Variants in KCNIP2 observed in about 807,000 individuals in gnomAD.
KCNIP2 encodes potassium voltage-gated channel interacting protein 2.
In KCNIP2, 19 loss-of-function variants were observed where a neutral mutation model predicts 39.0. The observed-to-expected ratio is 0.49, with a 90% CI of 0.34 to 0.71. KCNIP2 has a LOEUF of 0.71. Among genes scored for constraint, KCNIP2 ranks in the 30% least tolerant of loss-of-function variants. KCNIP2 has a pLI of 0.01. For synonymous variants in KCNIP2, 111 were observed against 131.2 expected (o/e 0.85, Z 1.05); for missense variants, 261 against 346.0 (o/e 0.75, Z 1.95).
Position 101,838,558 on chromosome 10 carries a change from C to T in KCNIP2, c.73+4938G>A, listed in dbSNP as rs1031554317. ...TCGAGTGATTAATGACCTCCCTAGA[C>T]GTTGGGGCTATTTTGGGTCCTGGAA... is the stretch of plus-strand genomic sequence containing the variant. On this transcript the variant is annotated intron_variant, in intron 1 of 9. Transcript: ENST00000356640. This position sits in a 1 kb window ranked among gnomAD's most constrained non-coding sequence, Gnocchi z 4.0. 4.6e-5 allele frequency among the ~76,000 whole-genome samples: 7 copies of T among 152,164 alleles called. No homozygotes were observed. Among genetic ancestry groups the T allele is most frequent in the South Asian group, 2.1e-4 (1 of 4,826 alleles).
intron 3 of KCNIP2, 121 bp downstream of exon 3, chr10:101,829,723 A>AACC: frequency 3.3e-5 from 1 of 30,258 alleles, no homozygotes; most frequent in Non-Finnish European, 6.5e-5. Context: ...TCCAGACCCC[A>AACC]CCCCCGGCCC....
intron 1 of KCNIP2, among the ~76,000 whole-genome samples, chr10:101,840,677 G>C (rs1215563481): frequency 1.3e-5 from 2 of 151,988 alleles, no homozygotes; most frequent in Admixed American, 1.3e-4. Context: ...AAGCCTACGG[G>C]AGAGATATAG....
At chr10:101,829,468 T>C (rs1030582983) in intron 3 of KCNIP2, 1 of 492,068 alleles carries the variant, frequency 2.0e-6, no homozygotes, top group Admixed American at 3.9e-5. Context: ...GATCCCTCGT[T>C]GGAGGGGAAG....
intron 2 of KCNIP2, chr10:101,830,515 T>C: frequency 1.7e-6 from 2 of 1,177,120 alleles, no homozygotes; most frequent in Non-Finnish European, 2.2e-6. Flanking sequence ...GTCACAATGG[T>C]CACACCCACA....
chr10:101,827,141 G>A lies in KCNIP2; in HGVS notation c.*212C>T. 5.9e-6 allele frequency: 7 copies of A among 1,183,292 alleles called. No individual in the cohort carries two copies. The highest frequency in any genetic ancestry group is 6.5e-6 in the Non-Finnish European group (6 of 925,558). The allele number at this position is 1,183,292 out of a possible 1,614,324, so 73.3% of individuals were successfully genotyped here. ...GCAGGAAGGGGGTGAGAGCTGGTGG[G>A]AGTTGGGAACACCCCCCGAGATGCA... is the stretch of plus-strand genomic sequence containing the variant. On this transcript the variant is annotated 3_prime_UTR_variant, in exon 10 of 10. Transcript: ENST00000356640.
chr10:101,832,926 C>T (rs1434339160), intron 1 of KCNIP2, among the ~76,000 whole-genome samples: 1 of 152,158 alleles, frequency 6.6e-6, no homozygotes, highest in Non-Finnish European at 1.5e-5. Flanking sequence ...TCACCTTTTC[C>T]AGATTGAATG....
chr10:101,827,371 G>A lies in KCNIP2; in HGVS notation c.795C>T (p.Leu265=). 1 of 1,604,930 alleles carries A rather than the reference G, an allele frequency of 6.2e-7. No homozygotes were observed. The highest frequency in any genetic ancestry group is 8.5e-7 in the Non-Finnish European group (1 of 1,172,862). Residue 265 remains leucine, a synonymous_variant, in exon 10 of 10, where the codon CTC becomes CTT. Coordinates refer to ENST00000356640, the MANE Select transcript of KCNIP2 (RefSeq NM_173191.3). ...CTGGGGGCTAGATGACATTGTCAAAGAGCTGCATGGACCTCATGATGTTCT... is the reference window on the plus strand; with the variant it reads ...CTGGGGGCTAGATGACATTGTCAAAAAGCTGCATGGACCTCATGATGTTCT... ...KDENIMRSMQ[L]FDNVI
chr10:101,836,274 C>CTTTTTTT (rs976487755), intron 1 of KCNIP2, among the ~76,000 whole-genome samples: 2 of 124,660 alleles, frequency 1.6e-5, no homozygotes, highest in Non-Finnish European at 3.4e-5. Context: ...TTTTTTTTCT[C>CTTTTTTT]TTTTTTTTTT....
chr10:101,840,817 G>A (rs931503095), intron 1 of KCNIP2, among the ~76,000 whole-genome samples: 1 of 152,150 alleles, frequency 6.6e-6, no homozygotes, highest in African/African-American at 2.4e-5. Context: ...AAGCAGCTCC[G>A]TGCGCATGGC....
At position 101,828,107 on chromosome 10, in the gene KCNIP2, C is replaced by G; in HGVS notation, c.597+44G>C. 1 of 1,578,290 alleles carries G rather than the reference C, an allele frequency of 6.3e-7. No homozygotes were observed. Among genetic ancestry groups the G allele is most frequent in the Non-Finnish European group, 8.7e-7 (1 of 1,147,528 alleles). On this transcript the variant is annotated intron_variant, in intron 7 of 9. Coordinates refer to ENST00000356640, the MANE Select transcript of KCNIP2 (RefSeq NM_173191.3). The surrounding 1 kb of genome is among the most constrained non-coding windows in gnomAD (Gnocchi z 6.6). ...CCTCCCATCACCCTCTGCACGCCAC[C>G]CCCATCACCGCCACAGACCCCCAGC...
Position 101,843,666 on chromosome 10 carries a change from G to T in KCNIP2, c.-98C>A, listed in dbSNP as rs2066400382. ...GCGCCCCCTGGCGGCCTACTGTGCT[G>T]TCGGGGCTGGGGAAGTCCGGGCTGA... On this transcript the variant is annotated 5_prime_UTR_variant, in exon 1 of 10. Transcript: ENST00000356640. This position sits in a 1 kb window ranked among gnomAD's most constrained non-coding sequence, Gnocchi z 6.7. 1 of 613,548 alleles carries T rather than the reference G, an allele frequency of 1.6e-6. No homozygotes were observed. The highest frequency in any genetic ancestry group is 2.6e-6 in the Non-Finnish European group (1 of 381,930). 38.0% of individuals were successfully genotyped at this position (613,548 alleles called of 1,614,324 possible).
At chr10:101,832,340 GTC>G (rs2066024614) in intron 1 of KCNIP2, among the ~76,000 whole-genome samples, 1 of 139,988 alleles carries the variant, frequency 7.1e-6, no homozygotes, top group South Asian at 2.3e-4. Context: ...GTGTGTGTGT[GTC>G]TGTGTCTCCC....
chr10:101,837,144 C>T (rs570714003), intron 1 of KCNIP2, among the ~76,000 whole-genome samples: 1 of 152,170 alleles, frequency 6.6e-6, no homozygotes, highest in African/African-American at 2.4e-5. Context: ...AATATTTATC[C>T]AGCACATTTT....
At chr10:101,829,289 C>G in intron 3 of KCNIP2, 90 bp from the exon 4 acceptor site, 2 of 1,434,944 alleles carry the variant, frequency 1.4e-6, no homozygotes, top group Non-Finnish European at 1.8e-6. Context: ...TCCCCGCCCC[C>G]CGGTCCCATC....
At chr10:101,830,868 G>A (rs1399331830) in intron 2 of KCNIP2, among the ~76,000 whole-genome samples, 4 of 144,476 alleles carry the variant, frequency 2.8e-5, no homozygotes, top group African/African-American at 1.0e-4. Flanking sequence ...GGGCACGCTC[G>A]CGCGCACATG....
intron 1 of KCNIP2, among the ~76,000 whole-genome samples, chr10:101,832,973 G>A (rs1322626820): frequency 1.3e-5 from 2 of 152,114 alleles, no homozygotes; most frequent in African/African-American, 2.4e-5. Flanking sequence ...GTTTATCTAG[G>A]TCCAACTCCC....
intron 1 of KCNIP2, chr10:101,839,755 G>T: frequency 6.2e-7 from 1 of 1,612,596 alleles, no homozygotes; most frequent in Non-Finnish European, 8.5e-7. Context: ...CATCATACCT[G>T]GGGACAGCGA....
In KCNIP2 at chr10:101,828,816, C is replaced by A; in HGVS notation, c.349-120G>T. ...ATAATCTTCAAGCCTCCAGAGGACT[C>A]ACCACGTGGCTCATGTGATGGGAGG... is the stretch of plus-strand genomic sequence containing the variant. On this transcript the variant is annotated intron_variant, in intron 4 of 9. Coordinates refer to ENST00000356640, the MANE Select transcript of KCNIP2 (RefSeq NM_173191.3). The surrounding 1 kb of genome is among the most constrained non-coding windows in gnomAD (Gnocchi z 6.6). The A allele has an allele frequency of 6.3e-7, 1 of 1,589,482 alleles. No homozygotes were observed.
chr10:101,832,296 C>CTGTGTGTGTGTGTG (rs57005983), intron 1 of KCNIP2, among the ~76,000 whole-genome samples: 186 of 140,058 alleles, frequency 1.3e-3, no homozygotes, highest in African/African-American at 4.7e-3. Context: ...CTCAGTGTTA[C>CTGTGTGTGTGTGTG]TGTGTGTGTG....
Sources: allele counts gnomAD v4.1 joint callset (sites outside exome capture counted in the v4.1 genomes callset), GRCh38; gene constraint gnomAD v4.1.1; non-coding constraint Gnocchi (gnomAD v3.1); transcripts MANE v1.5; gene names NCBI Gene and HGNC (gene_info 2026-07-23, HGNC 2026-07-21).